The following GPM6A variants were observed in gnomAD, a reference collection of about 807,000 sequenced individuals.
GPM6A encodes the protein neuronal membrane glycoprotein M6-a.
In GPM6A, 7 loss-of-function variants were observed where a neutral mutation model predicts 32.1. That is an observed-to-expected ratio of 0.22 (90% CI 0.12 to 0.41). The LOEUF is 0.41. GPM6A is among the 10% of genes least tolerant of loss of function. GPM6A has a pLI of 1.00. For missense variants in GPM6A, 235 were observed against 347.2 expected, an observed-to-expected ratio of 0.68 and a Z score of 2.57; for synonymous variants, 130 against 123.4, an observed-to-expected ratio of 1.05 and a Z score of -0.35.
chr4:175,935,925 G>T (rs1739204924), intron 1 of GPM6A, among the ~76,000 whole-genome samples: 1 of 151,692 alleles, frequency 6.6e-6, no homozygotes, highest in Non-Finnish European at 1.5e-5. Flanking sequence ...GCAATTGTTT[G>T]AGTTTTAAAA....
intron 1 of GPM6A, among the ~76,000 whole-genome samples, chr4:175,702,872 A>G (rs1479999148): frequency 6.6e-6 from 1 of 152,200 alleles, no homozygotes; most frequent in Non-Finnish European, 1.5e-5. Flanking sequence ...CAGTACTCCT[A>G]TATGATATTT....
chr4:175,656,456 G>A (rs1490922535), intron 3 of GPM6A, among the ~76,000 whole-genome samples: 4 of 151,934 alleles, frequency 2.6e-5, no homozygotes, highest in South Asian at 2.1e-4. Context: ...AAATTGTTAC[G>A]AATTATTTCT....
chr4:175,644,078 C>T (rs1006316889), intron 4 of GPM6A, among the ~76,000 whole-genome samples: 2 of 150,910 alleles, frequency 1.3e-5, no homozygotes, highest in African/African-American at 4.9e-5. Flanking sequence ...GGCCCTTTTC[C>T]AACTCTACTT....
intron 1 of GPM6A, among the ~76,000 whole-genome samples, chr4:175,786,302 T>G (rs988753695): frequency 1.3e-4 from 20 of 151,726 alleles, no homozygotes; most frequent in Admixed American, 8.5e-4. Context: ...TTTTGTTTTT[T>G]TTTTTTTGAA....
chr4:175,666,121 T>C (rs899944061), intron 3 of GPM6A, among the ~76,000 whole-genome samples: 25 of 151,940 alleles, frequency 1.6e-4, no homozygotes, highest in African/African-American at 6.0e-4. Flanking sequence ...GGTTTCACCA[T>C]GTTGGCCAGG....
intron 4 of GPM6A, among the ~76,000 whole-genome samples, chr4:175,645,735 C>T (rs115649027): frequency 0.02 from 3,030 of 152,046 alleles, 59 homozygotes; most frequent in Admixed American, 0.032. Flanking sequence ...AACAAACAAA[C>T]AAACAAAAAT....
At chr4:175,936,324 A>AAAAAAAC (rs1739230550) in intron 1 of GPM6A, among the ~76,000 whole-genome samples, 2 of 149,952 alleles carry the variant, frequency 1.3e-5, no homozygotes, top group Non-Finnish European at 3.0e-5. Flanking sequence ...AAAAAAAAAA[A>AAAAAAAC]AAAAAAAAAA....
chr4:175,916,177 C>G (rs1738487556), intron 1 of GPM6A, among the ~76,000 whole-genome samples: 1 of 152,244 alleles, frequency 6.6e-6, no homozygotes, highest in African/African-American at 2.4e-5. Context: ...GAAACCACAT[C>G]TGTCCCTCCC....
At chr4:175,673,435 A>G (rs1264481103) in intron 3 of GPM6A, among the ~76,000 whole-genome samples, 1 of 152,054 alleles carries the variant, frequency 6.6e-6, no homozygotes, top group African/African-American at 2.4e-5. Context: ...ACATCAATCA[A>G]CAGTGTTGCT....
chr4:175,783,090 AT>A lies in GPM6A; in HGVS notation c.37+29100del, dbSNP rs1240517246. On this transcript the variant is annotated intron_variant, in intron 1 of 6. Coordinates refer to ENST00000393658, the MANE Select transcript of GPM6A (RefSeq NM_201591.3). ...ATTTGCTTGTGACCTTGTTTTATTT[AT>A]CAAAATGAGAAATGTTTTGAATTAA... 4.6e-5 allele frequency among the ~76,000 whole-genome samples: 7 copies of A among 152,102 alleles called. No homozygotes were observed. The East Asian group carries it at 1.4e-3, about 29-fold the overall frequency.
At chr4:175,887,981 G>T (rs1383008661) in intron 1 of GPM6A, among the ~76,000 whole-genome samples, 1 of 151,816 alleles carries the variant, frequency 6.6e-6, no homozygotes, top group Non-Finnish European at 1.5e-5. Context: ...GCAACTTAAT[G>T]CTATATTACT....
Position 175,859,234 on chromosome 4 carries a change from T to A in GPM6A, c.-22-46985A>T, listed in dbSNP as rs540670755. On this transcript the variant is annotated intron_variant, in intron 1 of 7. Transcript: ENST00000280187. The stretch of plus-strand genomic sequence containing the variant: ...GTTTAATATGTGTAGTTGTTGTATG[T>A]CAATCATCTTTCAATAAAGCTGTTA... Among the ~76,000 whole-genome samples, 6 of 152,316 alleles carry A rather than the reference T, an allele frequency of 3.9e-5. No individual in the cohort carries two copies. The South Asian group carries it at 1.2e-3, about 32-fold the overall frequency.
At chr4:175,857,399 A>G (rs564549772) in intron 1 of GPM6A, among the ~76,000 whole-genome samples, 39 of 152,338 alleles carry the variant, frequency 2.6e-4, no homozygotes, top group Non-Finnish European at 5.1e-4. Flanking sequence ...GTAGATTCTG[A>G]TAAGTTAAAA....
intron 1 of GPM6A, among the ~76,000 whole-genome samples, chr4:175,704,971 G>A (rs1441707005): frequency 6.6e-6 from 1 of 152,120 alleles, no homozygotes; most frequent in Non-Finnish European, 1.5e-5. Context: ...AACCACTTCT[G>A]GGGACTTCTG....
chr4:175,637,567 T>G (rs1312126109), intron 6 of GPM6A, among the ~76,000 whole-genome samples: 1 of 14,936 alleles, frequency 6.7e-5, no homozygotes, highest in Non-Finnish European at 1.2e-4. Flanking sequence ...TAAAAATATA[T>G]TATATATTAT....
At chr4:175,880,703 T>C (rs1737244784) in intron 1 of GPM6A, among the ~76,000 whole-genome samples, 1 of 152,194 alleles carries the variant, frequency 6.6e-6, no homozygotes, top group African/African-American at 2.4e-5. Flanking sequence ...GTTATTGGTG[T>C]ATAAGACTGC....
At chr4:175,673,657 C>G (rs746083325) in intron 3 of GPM6A, 23 bp downstream of exon 3, 1 of 1,550,684 alleles carries the variant, frequency 6.4e-7, no homozygotes, top group African/African-American at 1.4e-5. Flanking sequence ...ACATTAAATA[C>G]TGAATGTAGA....
intron 1 of GPM6A, among the ~76,000 whole-genome samples, chr4:175,861,948 C>G (rs1736587264): frequency 6.6e-6 from 1 of 151,654 alleles, no homozygotes; most frequent in Non-Finnish European, 1.5e-5. Flanking sequence ...AGCATATTTT[C>G]TATAAAAAAG....
chr4:175,702,031 A>C (rs1744909066), intron 1 of GPM6A, among the ~76,000 whole-genome samples: 2 of 152,150 alleles, frequency 1.3e-5, no homozygotes, highest in South Asian at 4.1e-4. Flanking sequence ...TTCCCAACCC[A>C]GACTTTCTAT....
Sources: allele counts gnomAD v4.1 joint callset (sites outside exome capture counted in the v4.1 genomes callset), GRCh38; gene constraint gnomAD v4.1.1; transcripts MANE v1.5; gene names NCBI Gene and HGNC (gene_info 2026-07-23, HGNC 2026-07-21).